GFUS: variants seen among roughly 807,000 people sequenced by gnomAD.
GFUS encodes GDP-L-fucose synthase, also known as 3-5 epimerase/4-reductase.
A neutral mutation model predicts 41.5 loss-of-function variants in GFUS; 42 were observed. The observed-to-expected ratio is 1.01, with a 90% confidence interval of 0.79 to 1.31. The LOEUF (loss-of-function observed/expected upper bound fraction) is 1.31, where lower values mean the gene tolerates loss of function less well. Ranked by LOEUF, GFUS falls within the 50% of genes most tolerant of loss-of-function variation. The probability of loss-of-function intolerance (pLI) is 0.00; values close to 1 mark genes in which losing one functional copy is unlikely to be tolerated. For missense variants in GFUS, 437 were observed against 428.7 expected (o/e 1.02, Z -0.17); for synonymous variants, 188 against 173.4 (o/e 1.08, Z -0.66).
intron 10 of GFUS, 28 bp downstream of exon 10, chr8:143,613,168 A>C: frequency 6.3e-7 from 1 of 1,595,368 alleles, no homozygotes; most frequent in Non-Finnish European, 8.6e-7. Context: ...GCCTCCACCA[A>C]GTGGAGGGCT....
In GFUS at chr8:143,614,781, C is replaced by T; in HGVS notation, c.390+6G>A. ...GCCCCACCCACAGCCAGGCCCTGCCCCTCACCATGGTCTCATCTATCGGGT... is the reference window on the plus strand; with the variant it reads ...GCCCCACCCACAGCCAGGCCCTGCCTCTCACCATGGTCTCATCTATCGGGT... On this transcript the variant is annotated splice_donor_region_variant and intron_variant, in intron 4 of 10. Coordinates refer to ENST00000425753, the MANE Select transcript of GFUS (RefSeq NM_003313.4). The T allele has an allele frequency of 6.2e-7, 1 of 1,613,628 alleles. No homozygotes were observed. Among genetic ancestry groups the T allele is most frequent in the South Asian group, 1.1e-5 (1 of 91,090 alleles).
intron 1 of GFUS, chr8:143,617,106 G>A (rs766344546): frequency 2.1e-5 from 5 of 232,802 alleles, no homozygotes; most frequent in Admixed American, 9.8e-5. Flanking sequence ...CTAGGGACAG[G>A]CACGAGACGG....
chr8:143,612,761 C>T lies in GFUS; in HGVS notation c.*149G>A. On this transcript the variant is annotated 3_prime_UTR_variant, in exon 11 of 11. Coordinates refer to ENST00000425753, the MANE Select transcript of GFUS (RefSeq NM_003313.4). ...TGAGGACCAACGTGAATGGGGGCCC[C>T]ACTGGAAAGATGCTTGGGGCTGCAG... 1.9e-6 allele frequency: 2 copies of T among 1,037,548 alleles called. No homozygotes were observed. Among genetic ancestry groups the T allele is most frequent in the Non-Finnish European group, 2.8e-6 (2 of 714,882 alleles). The allele number at this position is 1,037,548 out of a possible 1,614,324, so 64.3% of individuals were successfully genotyped here.
At chr8:143,615,902 C>T (rs932342821) in intron 3 of GFUS, 1 of 486,260 alleles carries the variant, frequency 2.1e-6, no homozygotes, top group South Asian at 3.8e-5. Flanking sequence ...CCTCCAGGCC[C>T]CCTGCATGGC....
At chr8:143,616,065 G>C in intron 3 of GFUS, 41 bp downstream of exon 3, 1 of 1,495,632 alleles carries the variant, frequency 6.7e-7, no homozygotes, top group Admixed American at 2.0e-5. Context: ...CAGAACCTGG[G>C]ATCCTGGTTT....
chr8:143,617,208 CGCAGCCACCCTCAAGGATCCCATCCT>C (rs981343737), intron 1 of GFUS: 3 of 155,356 alleles, frequency 1.9e-5, no homozygotes, highest in Non-Finnish European at 4.3e-5. Flanking sequence ...GGCCTCGGGG[CGCAGCCACCCTCAAGGATCCCATCCT>C]GGGAGCCGGA....
chr8:143,614,051 C>T (rs1477465208), intron 7 of GFUS, 113 bp downstream of exon 7: 8 of 1,441,076 alleles, frequency 5.6e-6, no homozygotes, highest in Non-Finnish European at 6.6e-6. Flanking sequence ...AGCCCAGATT[C>T]TCTGCTGGTA....
intron 1 of GFUS, 88 bp from the exon 2 acceptor site, chr8:143,616,811 G>T: frequency 6.5e-7 from 1 of 1,529,840 alleles, no homozygotes; most frequent in Non-Finnish European, 8.9e-7. Context: ...ACAGAGTGAG[G>T]CCCTCAGAGT....
intron 2 of GFUS, 73 bp downstream of exon 2, chr8:143,616,494 G>T: frequency 6.2e-7 from 1 of 1,600,580 alleles, no homozygotes; most frequent in South Asian, 1.1e-5. Flanking sequence ...AACATGCCCA[G>T]CCTGGAACTC....
chr8:143,617,692 C>CG (rs1441254477), upstream of GFUS: 18 of 152,176 alleles, frequency 1.2e-4, no homozygotes, highest in Admixed American at 1.1e-3. Context: ...CGGCCGCGCG[C>CG]GGGCGGGTCC....
rs1295490999 is a variant in GFUS at position 143,616,637 on chromosome 8, CCTT to C, written c.73_75del (p.Lys25del). On this transcript the variant is annotated inframe_deletion, in exon 2 of 11. Coordinates refer to ENST00000425753, the MANE Select transcript of GFUS (RefSeq NM_003313.4). Reference sequence around the variant, plus strand: ...GGAAGTCCAGCTCCATCTGCTACCACCTTCTGGATGGCTTTGCCTACCAGCCCA... The same window carrying C: ...GGAAGTCCAGCTCCATCTGCTACCACCTGGATGGCTTTGCCTACCAGCCCA... 2 of 1,613,772 alleles carry C rather than the reference CCTT, an allele frequency of 1.2e-6. No homozygotes were observed. Among genetic ancestry groups the C allele is most frequent in the Non-Finnish European group, 1.7e-6 (2 of 1,180,020 alleles).
rs756941583 is a variant in GFUS, at chr8:143,613,480, C to T, written c.810+44G>A. On this transcript the variant is annotated intron_variant, in intron 9 of 10. Coordinates refer to ENST00000425753, the MANE Select transcript of GFUS (RefSeq NM_003313.4). ...ACACCGGGTGGCCACTGAGCCCGCC[C>T]AAGGGGCCCCCGCCCAACCCCCAGC... 1.1e-5 allele frequency: 18 copies of T among 1,599,926 alleles called. No homozygotes were observed. In the East Asian group the frequency reaches 2.9e-4, roughly 26 times the overall value.
intron 4 of GFUS, 31 bp downstream of exon 4, chr8:143,614,756 G>T: frequency 6.2e-7 from 1 of 1,613,324 alleles, no homozygotes; most frequent in Non-Finnish European, 8.5e-7. Flanking sequence ...CGGCTCCCCG[G>T]CCCCACCCAC....
At position 143,614,802 on chromosome 8, in the gene GFUS, C is replaced by G. The variant is rs781416066; in HGVS notation, c.375G>C (p.Pro125=). The G allele has an allele frequency of 3.9e-5, 63 of 1,613,566 alleles. No homozygotes were observed. The highest frequency in any genetic ancestry group is 5.3e-5 in the Non-Finnish European group (62 of 1,180,018). The change falls in exon 4 of 11, where the codon CCG becomes CCC. Residue 125 remains proline, a synonymous_variant. Coordinates refer to ENST00000425753, the MANE Select transcript of GFUS (RefSeq NM_003313.4). ...TGCCCCTCACCATGGTCTCATCTAT[C>G]GGGTAGGTCGTCTTGTCAGGGAAGA... is the stretch of plus-strand genomic sequence containing the variant. ...TCIFPDKTTY[P]IDETMIHNGP...
chr8:143,614,368 C>A lies in GFUS; in HGVS notation c.550G>T (p.Asp184Tyr). 6.2e-7 allele frequency: 1 copy of A among 1,613,922 alleles called. No individual in the cohort carries two copies. The highest frequency in any genetic ancestry group is 8.5e-7 in the Non-Finnish European group (1 of 1,179,972). Reference sequence around the variant, plus strand: ...ATGAGGCCAGGCAGCACGTGGCCATCCTCGATGTTGAAGTTGTCGTGGGGC... The same window carrying A: ...ATGAGGCCAGGCAGCACGTGGCCATACTCGATGTTGAAGTTGTCGTGGGGC... ...FGPHDNFNIE[D>Y]GHVLPGLIHK... The change falls in exon 6 of 11, where the codon GAT (aspartate) becomes TAT (tyrosine). Residue 184 changes from aspartate to tyrosine, a missense_variant. Transcript: ENST00000425753.
intron 3 of GFUS, among the ~76,000 whole-genome samples, chr8:143,615,674 G>C (rs1462391040): frequency 6.6e-6 from 1 of 152,210 alleles, no homozygotes; most frequent in East Asian, 1.9e-4. Context: ...GACACAGGCA[G>C]CAGATGCACA....
chr8:143,613,161 T>A lies in GFUS; in HGVS notation c.910+35A>T, dbSNP rs373198597. 14 of 1,601,766 alleles carry A rather than the reference T, an allele frequency of 8.7e-6. No homozygotes were observed. The African/African-American group carries it at 1.9e-4, about 21-fold the overall frequency. On this transcript the variant is annotated intron_variant, in intron 10 of 10. Coordinates refer to ENST00000425753, the MANE Select transcript of GFUS (RefSeq NM_003313.4). The stretch of plus-strand genomic sequence containing the variant: ...CATGAGGGAGGGGCTGGGGCAGGCC[T>A]CCACCAAGTGGAGGGCTGTGGGGTC...
intron 3 of GFUS, 92 bp from the exon 4 acceptor site, chr8:143,615,007 G>A: frequency 6.6e-7 from 1 of 1,521,078 alleles, no homozygotes; most frequent in Middle Eastern, 2.2e-4. Flanking sequence ...GACACACCCT[G>A]GCCCTTCAGC....
chr8:143,612,722 G>A lies in GFUS; in HGVS notation c.*188C>T. The A allele has an allele frequency of 1.4e-6, 1 of 697,334 alleles. No individual in the cohort carries two copies. Among genetic ancestry groups the A allele is most frequent in the Non-Finnish European group, 2.4e-6 (1 of 414,232 alleles). 43.2% of individuals were successfully genotyped at this position (697,334 alleles called of 1,614,324 possible). ...GGAGCAAAGCGCCGGGCCTGCCCGG[G>A]ACCCTGGTTTCCCTGAGGACCAACG... On this transcript the variant is annotated 3_prime_UTR_variant, in exon 11 of 11. Coordinates refer to ENST00000425753, the MANE Select transcript of GFUS (RefSeq NM_003313.4).
Sources: allele counts gnomAD v4.1 joint callset (sites outside exome capture counted in the v4.1 genomes callset), GRCh38; gene constraint gnomAD v4.1.1; transcripts MANE v1.5; gene names NCBI Gene and HGNC (gene_info 2026-07-23, HGNC 2026-07-21).